PITX1: variants seen among roughly 807,000 people sequenced by gnomAD.
The protein encoded by PITX1 is paired like homeodomain 1, also known as pituitary homeobox 1.
PITX1 carries 5 observed loss-of-function variants against 24.1 expected under a neutral mutation model. The observed-to-expected ratio is 0.21, with a 90% confidence interval of 0.11 to 0.44. The LOEUF (loss-of-function observed/expected upper bound fraction) is 0.44. Among genes scored for constraint, PITX1 ranks in the 20% least tolerant of loss-of-function variants. The pLI, the probability that PITX1 is intolerant of heterozygous loss-of-function variation, is 0.99. For missense variants in PITX1, 401 were observed against 455.4 expected (o/e 0.88, Z 1.09); for synonymous variants, 213 against 208.9 (o/e 1.02, Z -0.17).
Position 135,033,776 on chromosome 5 carries a change from G to C in PITX1, c.106C>G (p.Pro36Ala). 1.3e-6 allele frequency: 2 copies of C among 1,587,618 alleles called. No homozygotes were observed. The highest frequency in any genetic ancestry group is 1.7e-6 in the Non-Finnish European group (2 of 1,174,214). Reference sequence around the variant, plus strand: ...TCGAGCGGCTCGCGGGGGTCGGCGGGCCGGGCCAGGTGGAAGGCGGGCCCC... The same window carrying C: ...TCGAGCGGCTCGCGGGGGTCGGCGGCCCGGGCCAGGTGGAAGGCGGGCCCC... ...DMGPAFHLAR[P>A]ADPREPLENS... Residue 36 changes from proline to alanine, a missense_variant, in exon 1 of 3, where the codon CCC (proline) becomes GCC (alanine). By Grantham distance (27) the Pro-to-Ala change is conservative. This residue lies in a region of PITX1 where 136 missense variants were observed against 133.3 expected (regional missense o/e 1.02). Transcript: ENST00000265340. The surrounding 1 kb of genome is among the most constrained non-coding windows in gnomAD (Gnocchi z 5.9).
chr5:135,033,916 G>T lies in PITX1; in HGVS notation c.-35C>A. ...GACCGCGGCGGGCGCTCCAGGGGCC[G>T]GGGCTGGGCGCGCCCCGCCGCCCTG... On this transcript the variant is annotated 5_prime_UTR_variant, in exon 1 of 3. Coordinates refer to ENST00000265340, the MANE Select transcript of PITX1 (RefSeq NM_002653.5). This position sits in a 1 kb window ranked among gnomAD's most constrained non-coding sequence, Gnocchi z 5.9. 1.6e-6 allele frequency: 2 copies of T among 1,282,254 alleles called. No homozygotes were observed. Among genetic ancestry groups the T allele is most frequent in the South Asian group, 2.3e-5 (1 of 44,396 alleles). The allele number at this position is 1,282,254 out of a possible 1,614,324, so 79.4% of individuals were successfully genotyped here. A position where few individuals can be genotyped will look rare whatever the true frequency, so the allele number is the denominator to read the frequency against.
chr5:135,033,655 T>A lies in PITX1; in HGVS notation c.169+58A>T. ...GCGGGCGTCAGGCCCTGCTCCCAGC[T>A]CCCCGTGCTCCGCGCCCGGGTAGGC... is the stretch of plus-strand genomic sequence containing the variant. On this transcript the variant is annotated intron_variant, in intron 1 of 2. Transcript: ENST00000265340. This position sits in a 1 kb window ranked among gnomAD's most constrained non-coding sequence, Gnocchi z 5.9. 1.3e-6 allele frequency: 2 copies of A among 1,553,378 alleles called. No individual in the cohort carries two copies. Among genetic ancestry groups the A allele is most frequent in the Non-Finnish European group, 1.7e-6 (2 of 1,148,018 alleles).
chr5:135,033,862 C>G lies in PITX1; in HGVS notation c.20G>C (p.Gly7Ala). 3 of 1,480,776 alleles carry G rather than the reference C, an allele frequency of 2.0e-6. No individual in the cohort carries two copies. The highest frequency in any genetic ancestry group is 2.7e-6 in the Non-Finnish European group (3 of 1,125,332). 91.7% of individuals were successfully genotyped at this position (1,480,776 alleles called of 1,614,324 possible). Residue 7 changes from glycine (G) to alanine (A), a missense_variant, in exon 1 of 3, where the codon GGC (glycine) becomes GCC (alanine). Transcript: ENST00000265340. This position sits in a 1 kb window ranked among gnomAD's most constrained non-coding sequence, Gnocchi z 5.9. ...CTCCGGCAGCCGCTCCAGGCTCATGCCCCCCTTGAAGGCGTCCATGGAGGT... is the reference window on the plus strand; with the variant it reads ...CTCCGGCAGCCGCTCCAGGCTCATGGCCCCCTTGAAGGCGTCCATGGAGGT... The part of the protein sequence containing the change: MDAFKG[G>A]MSLERLPEGL...
In PITX1 at chr5:135,029,244, G is replaced by A. The variant is rs1752407510; in HGVS notation, c.480C>T (p.Tyr160=). 1 of 1,613,440 alleles carries A rather than the reference G, an allele frequency of 6.2e-7. No homozygotes were observed. The highest frequency in any genetic ancestry group is 8.5e-7 in the Non-Finnish European group (1 of 1,179,602). ...NQQLDLCKGG[Y]VPQFSGLVQP... is the part of the protein sequence containing the mutation. ...GCACTAGGCCGCTGAACTGCGGCACGTAGCCACCCTTGCACAGGTCCAGCT... is the reference window on the plus strand; with the variant it reads ...GCACTAGGCCGCTGAACTGCGGCACATAGCCACCCTTGCACAGGTCCAGCT... The change falls in exon 3 of 3, where the codon TAC becomes TAT. Residue 160 remains tyrosine, a synonymous_variant. Transcript: ENST00000265340.
In PITX1 at chr5:135,028,672, G is replaced by A. The variant is rs1752393043; in HGVS notation, c.*107C>T. ...GGGCTGCGCAGGTGTGAGGTCCGCGGCGCGGTGAGCTGGGGCTTGCGAGCC... is the reference window on the plus strand; with the variant it reads ...GGGCTGCGCAGGTGTGAGGTCCGCGACGCGGTGAGCTGGGGCTTGCGAGCC... On this transcript the variant is annotated 3_prime_UTR_variant, in exon 3 of 3. Transcript: ENST00000265340. 2 of 730,662 alleles carry A rather than the reference G, an allele frequency of 2.7e-6. No individual in the cohort carries two copies. The highest frequency in any genetic ancestry group is 3.7e-5 in the African/African-American group (2 of 54,108). The allele number at this position is 730,662 out of a possible 1,614,324, so 45.3% of individuals were successfully genotyped here.
intron 2 of PITX1, 42 bp downstream of exon 2, chr5:135,031,234 G>C: frequency 1.3e-6 from 2 of 1,505,426 alleles, no homozygotes; most frequent in East Asian, 4.5e-5. Context: ...CGGCCCGGGA[G>C]CCCTCTGCGC....
chr5:135,033,660 G>C lies in PITX1; in HGVS notation c.169+53C>G. On this transcript the variant is annotated intron_variant, in intron 1 of 2. Coordinates refer to ENST00000265340, the MANE Select transcript of PITX1 (RefSeq NM_002653.5). The surrounding 1 kb of genome is among the most constrained non-coding windows in gnomAD (Gnocchi z 5.9). Reference sequence around the variant, plus strand: ...CGTCAGGCCCTGCTCCCAGCTCCCCGTGCTCCGCGCCCGGGTAGGCTCTGT... The same window carrying C: ...CGTCAGGCCCTGCTCCCAGCTCCCCCTGCTCCGCGCCCGGGTAGGCTCTGT... 5 of 1,569,614 alleles carry C rather than the reference G, an allele frequency of 3.2e-6. No homozygotes were observed. The highest frequency in any genetic ancestry group is 4.3e-6 in the Non-Finnish European group (5 of 1,160,896).
At chr5:135,030,643 G>C (rs1752431187) in intron 2 of PITX1, among the ~76,000 whole-genome samples, 1 of 152,192 alleles carries the variant, frequency 6.6e-6, no homozygotes, top group African/African-American at 2.4e-5. Flanking sequence ...AAAAGGGACT[G>C]GGAAGGACAT....
Position 135,033,318 on chromosome 5 carries a change from C to T in PITX1, c.169+395G>A, listed in dbSNP as rs1752496655. 6.8e-6 allele frequency: 2 copies of T among 292,476 alleles called. No individual in the cohort carries two copies. Among genetic ancestry groups the T allele is most frequent in the South Asian group, 5.7e-5 (2 of 35,034 alleles). 18.1% of individuals were successfully genotyped at this position (292,476 alleles called of 1,614,324 possible). On this transcript the variant is annotated intron_variant, in intron 1 of 2. Transcript: ENST00000265340. This position sits in a 1 kb window ranked among gnomAD's most constrained non-coding sequence, Gnocchi z 5.9. ...ACGGTGTTAACCTCCCTCTCTGTCT[C>T]TCTGAGTGCGTTCTCTCGCCCGTCA... is the stretch of plus-strand genomic sequence containing the variant.
upstream of PITX1, chr5:135,034,429 G>T (rs1245238975): frequency 1.4e-5 from 1 of 73,334 alleles, no homozygotes; most frequent in Non-Finnish European, 2.8e-5. Context: ...CTCCCCCTCC[G>T]CAGCCACCTT....
At chr5:135,031,201 G>C (rs1752439932) in intron 2 of PITX1, 75 bp downstream of exon 2, 4 of 1,116,710 alleles carry the variant, frequency 3.6e-6, no homozygotes, top group Non-Finnish European at 5.4e-6. Flanking sequence ...GTGGGTCTAA[G>C]CTTTGGAGGG....
In PITX1 at chr5:135,031,563, C is replaced by T. The variant is rs944218377; in HGVS notation, c.170-55G>A. The T allele has an allele frequency of 1.8e-5, 26 of 1,434,738 alleles. No homozygotes were observed. The East Asian group carries it at 2.4e-4, about 13-fold the overall frequency. 88.9% of individuals were successfully genotyped at this position (1,434,738 alleles called of 1,614,324 possible). ...CCTGGGCTTACGCCCCGTTGCACCC[C>T]GTCCCGGCTCCACCGAACCGCTCGC... On this transcript the variant is annotated intron_variant, in intron 1 of 2. Transcript: ENST00000265340.
chr5:135,031,193 G>T, intron 2 of PITX1, 83 bp downstream of exon 2: 1 of 1,000,850 alleles, frequency 1.0e-6, no homozygotes, highest in Non-Finnish European at 1.6e-6. Context: ...TTCTGCTTGT[G>T]GGTCTAAGCT....
intron 1 of PITX1, chr5:135,031,778 G>T (rs1021644537): frequency 4.9e-5 from 28 of 568,952 alleles, no homozygotes; most frequent in Non-Finnish European, 7.8e-5. Flanking sequence ...TGCACCCTTA[G>T]CTCGGCTCAG....
chr5:135,030,871 C>T (rs1224933974), intron 2 of PITX1, among the ~76,000 whole-genome samples: 1 of 152,240 alleles, frequency 6.6e-6, no homozygotes, highest in Admixed American at 6.5e-5. Context: ...ACCTGCCTTT[C>T]CCTTTCGTTT....
At position 135,028,006 on chromosome 5, in the gene PITX1, C is replaced by G. The variant is rs1208426347; in HGVS notation, c.*773G>C. The G allele has an allele frequency of 6.6e-6, 1 of 152,502 alleles. No homozygotes were observed. Among genetic ancestry groups the G allele is most frequent in the Non-Finnish European group, 1.5e-5 (1 of 68,118 alleles). The allele number at this position is 152,502 out of a possible 1,614,324, so 9.4% of individuals were successfully genotyped here. A position where few individuals can be genotyped will look rare whatever the true frequency, so the allele number is the denominator to read the frequency against. ...CAGAGCAGAGGGCCTGGGCCTGCAGCTAAGCTCAAGGCTGGGGTGTTCTGA... is the reference window on the plus strand; with the variant it reads ...CAGAGCAGAGGGCCTGGGCCTGCAGGTAAGCTCAAGGCTGGGGTGTTCTGA... On this transcript the variant is annotated 3_prime_UTR_variant, in exon 3 of 3. Transcript: ENST00000265340.
At position 135,033,673 on chromosome 5, in the gene PITX1, G is replaced by T. The variant is rs753977305; in HGVS notation, c.169+40C>A. 3 of 1,584,994 alleles carry T rather than the reference G, an allele frequency of 1.9e-6. No homozygotes were observed. The highest frequency in any genetic ancestry group is 1.7e-6 in the Non-Finnish European group (2 of 1,171,804). ...TCCCAGCTCCCCGTGCTCCGCGCCC[G>T]GGTAGGCTCTGTGCGCGCCGCGCGG... On this transcript the variant is annotated intron_variant, in intron 1 of 2. Transcript: ENST00000265340. This position sits in a 1 kb window ranked among gnomAD's most constrained non-coding sequence, Gnocchi z 5.9.
At chr5:135,034,376 G>GCCCTCACTGCCGCCCT (rs1387755816), upstream of PITX1, 2 of 152,176 alleles carry the variant, frequency 1.3e-5, no homozygotes, top group East Asian at 4.0e-4. Context: ...GCGCCGCCGC[G>GCCCTCACTGCCGCCCT]CCCTCACTGC....
In PITX1 at chr5:135,031,454, G is replaced by A. The variant is rs780664383; in HGVS notation, c.224C>T (p.Thr75Met). The change falls in exon 2 of 3, where the codon ACG becomes ATG. Residue 75 changes from threonine to methionine, a missense_variant. Transcript: ENST00000265340. ...TGGGTCGTCTGCGCCGCCGCAGCCC[G>A]TGCCTCCCGCACCACTGTCCTCGGG... Reference protein sequence around the residue: ...KGPEDSGAGGTGCGGADDPAK... With the variant: ...KGPEDSGAGGMGCGGADDPAK... 1 of 1,613,826 alleles carries A rather than the reference G, an allele frequency of 6.2e-7. No individual in the cohort carries two copies. The highest frequency in any genetic ancestry group is 8.5e-7 in the Non-Finnish European group (1 of 1,179,904).
Sources: gnomAD v4.1 joint callset for allele counts (sites outside exome capture counted in the v4.1 genomes callset) on GRCh38, gnomAD v4.1.1 for gene constraint, gnomAD v4.1.1 regional missense constraint, Gnocchi (gnomAD v3.1) non-coding constraint, MANE v1.5 for transcripts, NCBI Gene and HGNC (gene_info 2026-07-23, HGNC 2026-07-21) for gene names.